SCN11A: variants seen among roughly 807,000 people sequenced by gnomAD.
SCN11A encodes the protein sodium channel protein type 11 subunit alpha.
SCN11A carries 122 observed loss-of-function variants against 162.2 expected under a neutral mutation model. The ratio of observed to expected loss-of-function variants is 0.75; its 90% confidence interval spans 0.65 to 0.87. The LOEUF is 0.87. Ranked by LOEUF, SCN11A falls within the 40% of genes least tolerant of loss-of-function variation. The pLI, the probability that SCN11A is intolerant of heterozygous loss-of-function variation, is 0.00. For missense variants in SCN11A, 2,015 were observed against 2,181.6 expected, an observed-to-expected ratio of 0.92 and a Z score of 1.52; for synonymous variants, 758 against 751.5, an observed-to-expected ratio of 1.01 and a Z score of -0.14.
At position 38,927,952 on chromosome 3, in the gene SCN11A, G is replaced by A. The variant is rs1184904918; in HGVS notation, c.489-1021C>T. Among the ~76,000 whole-genome samples, 5 of 152,114 alleles carry A rather than the reference G, an allele frequency of 3.3e-5. No individual in the cohort carries two copies. The East Asian group carries it at 7.7e-4, about 23-fold the overall frequency. ...AGCATAAAGACACATATAGACCAAC[G>A]GAATAGAATAGAGAGCCCAGAAGTA... On this transcript the variant is annotated intron_variant, in intron 7 of 29. Transcript: ENST00000302328.
intron 27 of SCN11A, among the ~76,000 whole-genome samples, chr3:38,866,708 T>G (rs983633188): frequency 5.3e-5 from 8 of 152,192 alleles, no homozygotes; most frequent in Non-Finnish European, 1.2e-4. Flanking sequence ...GGTGGCCACC[T>G]TTGGGTGATT....
intron 2 of SCN11A, among the ~76,000 whole-genome samples, chr3:39,018,726 G>A (rs987603630): frequency 3.9e-5 from 6 of 152,122 alleles, no homozygotes; most frequent in Non-Finnish European, 5.9e-5. Flanking sequence ...GCTGAGGCAG[G>A]AGAACGGCGT....
chr3:38,950,590 G>A (rs1368350049), intron 4 of SCN11A: 15 of 536,896 alleles, frequency 2.8e-5, no homozygotes, highest in Non-Finnish European at 5.0e-5. Context: ...ACCAAAGCAG[G>A]GCATCATTCC....
chr3:38,981,714 A>G (rs907144219), intron 2 of SCN11A, among the ~76,000 whole-genome samples: 11 of 152,168 alleles, frequency 7.2e-5, no homozygotes, highest in Non-Finnish European at 1.3e-4. Context: ...TTCAAAAAAC[A>G]TAAGGGAGAG....
At chr3:38,907,909 A>G in intron 14 of SCN11A, 40 bp downstream of exon 14, 1 of 1,532,366 alleles carries the variant, frequency 6.5e-7, no homozygotes, top group Admixed American at 2.2e-5. Flanking sequence ...GTCCCCCTGG[A>G]CAGCAATATG....
intron 21 of SCN11A, among the ~76,000 whole-genome samples, chr3:38,883,760 A>G (rs1219373071): frequency 6.6e-6 from 1 of 152,232 alleles, no homozygotes; most frequent in African/African-American, 2.4e-5. Context: ...CCCAGGCTAG[A>G]TAACACTTGC....
chr3:38,988,937 G>T (rs912039643), intron 2 of SCN11A, among the ~76,000 whole-genome samples: 4 of 152,158 alleles, frequency 2.6e-5, no homozygotes, highest in African/African-American at 9.7e-5. Flanking sequence ...GCAGTATGTG[G>T]TTTTTTAAAA....
chr3:38,866,635 C>T lies in SCN11A; in HGVS notation c.3951+686G>A, dbSNP rs181414765. ...TAATCCTAACTGTGTAAAAGTAATACGAAGTGACTGGAATGGATTATATCA... is the reference window on the plus strand; with the variant it reads ...TAATCCTAACTGTGTAAAAGTAATATGAAGTGACTGGAATGGATTATATCA... On this transcript the variant is annotated intron_variant, in intron 27 of 29. Transcript: ENST00000302328. 1.2e-3 allele frequency among the ~76,000 whole-genome samples: 185 copies of T among 152,242 alleles called. 1 individual carries two copies. The highest frequency in any genetic ancestry group is 2.8e-4 in the Non-Finnish European group (19 of 68,004).
rs538813307 is a variant in SCN11A, at chr3:38,985,465, G to A, written c.-279-25042C>T. On this transcript the variant is annotated intron_variant, in intron 2 of 29. Transcript: ENST00000302328. ...CTTAAGAATCAACTGTTAGGGACAG[G>A]TGTAAAAATGAAAAGATCAGTGGGG... Among the ~76,000 whole-genome samples the A allele has an allele frequency of 8.6e-5, 13 of 150,948 alleles. 1 individual carries two copies. Among genetic ancestry groups the A allele is most frequent in the African/African-American group, 3.0e-4 (12 of 40,340 alleles).
In SCN11A at chr3:39,040,922, C is replaced by CA. The variant is rs1390997845; in HGVS notation, c.-403-8420dup. ...TGAAACCCCATCTCTACTAAAAATA[C>CA]AAAAAAAAAATTAGCCAGGCATGGT... On this transcript the variant is annotated intron_variant, in intron 1 of 29. Transcript: ENST00000302328. 1.5e-3 allele frequency among the ~76,000 whole-genome samples: 218 copies of CA among 147,882 alleles called. 2 individuals carry two copies. The highest frequency in any genetic ancestry group is 4.1e-3 in the African/African-American group (165 of 40,518).
At chr3:39,005,160 G>A (rs35375016) in intron 2 of SCN11A, among the ~76,000 whole-genome samples, 21,751 of 152,200 alleles carry the variant, frequency 0.14, 1,805 homozygotes, top group African/African-American at 0.22. Context: ...GAATAACATC[G>A]GTTTTTAAGT....
Position 38,850,531 on chromosome 3 carries a change from G to T in SCN11A, c.4277C>A (p.Thr1426Asn). ...KIFALRQYYF[T>N]NGWNLFDCVV... ...ACAGTCAAATAAATTCCAGCCATTG[G>T]TGAAGTAGTATTGCCTCAAAGCAAA... The change falls in exon 29 of 30, where the codon ACC (threonine) becomes AAC (asparagine). Residue 1426 changes from threonine (T) to asparagine (N), a missense_variant. Thr to Asn is a moderately conservative substitution (Grantham distance 65). Coordinates refer to ENST00000302328, the MANE Select transcript of SCN11A (RefSeq NM_001349253.2). The T allele has an allele frequency of 1.2e-6, 2 of 1,613,882 alleles. No homozygotes were observed. The highest frequency in any genetic ancestry group is 8.5e-7 in the Non-Finnish European group (1 of 1,179,828).
At chr3:38,870,629 T>G (rs1401915770) in intron 26 of SCN11A, 62 bp downstream of exon 26, 18 of 1,401,830 alleles carry the variant, frequency 1.3e-5, no homozygotes, top group East Asian at 2.3e-5. Flanking sequence ...GGACTGTCCA[T>G]GTAGTCATGA....
At chr3:38,961,860 CTTTAG>C (rs1332457366) in intron 2 of SCN11A, among the ~76,000 whole-genome samples, 1 of 152,146 alleles carries the variant, frequency 6.6e-6, no homozygotes, top group Non-Finnish European at 1.5e-5. Flanking sequence ...CTGAAAAGCT[CTTTAG>C]TTTAATTAGG....
At chr3:38,938,776 C>G (rs906242667) in intron 7 of SCN11A, among the ~76,000 whole-genome samples, 13 of 151,226 alleles carry the variant, frequency 8.6e-5, no homozygotes, top group Non-Finnish European at 1.9e-4. Flanking sequence ...GTTGGTCAGG[C>G]TGGTCTTGAA....
chr3:38,906,823 T>C (rs1180511419), intron 14 of SCN11A, among the ~76,000 whole-genome samples: 1 of 152,144 alleles, frequency 6.6e-6, no homozygotes, highest in African/African-American at 2.4e-5. Context: ...GGGTAAACTC[T>C]CTAGCTTTGT....
At chr3:39,034,271 A>G (rs2031844174) in intron 1 of SCN11A, among the ~76,000 whole-genome samples, 1 of 152,220 alleles carries the variant, frequency 6.6e-6, no homozygotes, top group Non-Finnish European at 1.5e-5. Flanking sequence ...AGTGGAATTC[A>G]GCCCAGAGAT....
At chr3:39,046,871 C>A (rs372285091) in intron 1 of SCN11A, among the ~76,000 whole-genome samples, 1 of 152,114 alleles carries the variant, frequency 6.6e-6, no homozygotes, top group Non-Finnish European at 1.5e-5. Flanking sequence ...CAGGCATGCA[C>A]CACCATGCCC....
chr3:38,945,588 C>T, intron 6 of SCN11A, 76 bp from the exon 7 acceptor site: 1 of 903,704 alleles, frequency 1.1e-6, no homozygotes, highest in South Asian at 2.3e-5. Flanking sequence ...CTGGGGGTGC[C>T]CCTGATGGTC....
Sources: gnomAD v4.1 joint callset for allele counts (sites outside exome capture counted in the v4.1 genomes callset) on GRCh38, gnomAD v4.1.1 for gene constraint, MANE v1.5 for transcripts, NCBI Gene and HGNC (gene_info 2026-07-23, HGNC 2026-07-21) for gene names.